GATA4: variants seen among roughly 807,000 people sequenced by gnomAD.
The protein encoded by GATA4 is GATA binding protein 4.
A neutral mutation model predicts 37.9 loss-of-function variants in GATA4; 7 were observed. That is an observed-to-expected ratio of 0.18 (90% confidence interval 0.11 to 0.35). The LOEUF is 0.35. GATA4 is among the 10% of genes least tolerant of loss of function. The pLI, the probability that GATA4 is intolerant of heterozygous loss-of-function variation, is 1.00. For missense variants in GATA4, 647 were observed against 653.0 expected, an observed-to-expected ratio of 0.99 and a Z score of 0.10; for synonymous variants, 372 against 292.6, an observed-to-expected ratio of 1.27 and a Z score of -2.77.
intron 2 of GATA4, among the ~76,000 whole-genome samples, chr8:11,723,144 T>C (rs1800752131): frequency 2.0e-5 from 3 of 152,038 alleles, no homozygotes; most frequent in Admixed American, 1.3e-4. Context: ...CCTAGGAGTT[T>C]GAAGCCAGCA....
Position 11,680,591 on chromosome 8 carries a change from C to A in GATA4, c.-274+3528C>A, listed in dbSNP as rs537132716. 21 of 985,360 alleles carry A rather than the reference C, an allele frequency of 2.1e-5. No homozygotes were observed. The African/African-American group carries it at 3.5e-4, about 16-fold the overall frequency. 61.0% of individuals were successfully genotyped at this position (985,360 alleles called of 1,614,324 possible). ...GCCAGGAAGCCCAGGCTATGCCCAG[C>A]CGGGTCCGAGCGGCGGTCGGTGGCG... On this transcript the variant is annotated intron_variant, in intron 1 of 6. Transcript: ENST00000528712.
In GATA4 at chr8:11,707,409, T is replaced by C. The variant is rs1799937705; in HGVS notation, c.-457-447T>C. On this transcript the variant is annotated intron_variant, in intron 1 of 6. Transcript: ENST00000532059. The surrounding 1 kb of genome is among the most constrained non-coding windows in gnomAD (Gnocchi z 4.7). ...TCCCCCCAAGGACAATCTAAAGTTCTTTCTAGGCCAGTCTCCCCATCTTTC... is the reference window on the plus strand; with the variant it reads ...TCCCCCCAAGGACAATCTAAAGTTCCTTCTAGGCCAGTCTCCCCATCTTTC... Among the ~76,000 whole-genome samples the C allele has an allele frequency of 6.6e-6, 1 of 152,048 alleles. No individual in the cohort carries two copies. Among genetic ancestry groups the C allele is most frequent in the Non-Finnish European group, 1.5e-5 (1 of 67,980 alleles).
chr8:11,727,743 C>A (rs13277376), intron 2 of GATA4, among the ~76,000 whole-genome samples: 12,949 of 151,548 alleles, frequency 0.085, 828 homozygotes, highest in Non-Finnish European at 0.13. Flanking sequence ...AGGGAGGCTG[C>A]GGTGGGACGA....
chr8:11,707,127 C>T lies in GATA4; in HGVS notation c.-457-729C>T, dbSNP rs1189336327. On this transcript the variant is annotated intron_variant, in intron 1 of 6. Transcript: ENST00000532059. The surrounding 1 kb of genome is among the most constrained non-coding windows in gnomAD (Gnocchi z 4.7). The stretch of plus-strand genomic sequence containing the variant: ...GGTTATTCTGTAGAGCGGCATTGTA[C>T]ATTCTTCTCACTTTTCTGGTTCTGA... Among the ~76,000 whole-genome samples the T allele has an allele frequency of 1.3e-5, 2 of 152,156 alleles. No homozygotes were observed. The highest frequency in any genetic ancestry group is 4.8e-5 in the African/African-American group (2 of 41,420).
At chr8:11,741,760 G>A (rs2132713) in intron 2 of GATA4, among the ~76,000 whole-genome samples, 17,203 of 152,194 alleles carry the variant, frequency 0.11, 2,830 homozygotes, top group African/African-American at 0.37. Context: ...GAAGCATTGA[G>A]ACAGAGATGT....
At chr8:11,702,296 A>C (rs534537919), upstream of GATA4, among the ~76,000 whole-genome samples, 1 of 151,976 alleles carries the variant, frequency 6.6e-6, no homozygotes, top group Admixed American at 6.5e-5. The surrounding 1 kb of genome is among the most constrained non-coding windows in gnomAD (Gnocchi z 4.4). Context: ...TCGCCCTTTA[A>C]GGGTCGCGCG....
chr8:11,682,029 T>C (rs1269492326), intron 1 of GATA4, among the ~76,000 whole-genome samples: 1 of 152,266 alleles, frequency 6.6e-6, no homozygotes, highest in Non-Finnish European at 1.5e-5. Flanking sequence ...AAAAGGCTTC[T>C]TGTCTGTGAA....
At chr8:11,688,900 G>C (rs1563187802), upstream of GATA4, among the ~76,000 whole-genome samples, 1 of 152,210 alleles carries the variant, frequency 6.6e-6, no homozygotes, top group Non-Finnish European at 1.5e-5. Flanking sequence ...TATTTGTAAT[G>C]TCTGCAGAAA....
chr8:11,739,103 C>T lies in GATA4; in HGVS notation c.617-9813C>T, dbSNP rs552351925. 1.8e-3 allele frequency among the ~76,000 whole-genome samples: 273 copies of T among 152,274 alleles called. 1 individual carries two copies. The highest frequency in any genetic ancestry group is 5.9e-3 in the African/African-American group (246 of 41,556). Reference sequence around the variant, plus strand: ...AAAAGTACTTTGTACTTTTTCTTTCCGGCCAGGAGGATCCCAGGAAATTGA... The same window carrying T: ...AAAAGTACTTTGTACTTTTTCTTTCTGGCCAGGAGGATCCCAGGAAATTGA... On this transcript the variant is annotated intron_variant, in intron 2 of 6. Coordinates refer to ENST00000532059, the MANE Select transcript of GATA4 (RefSeq NM_001308093.3).
chr8:11,693,558 C>CAGAG (rs1335915996), intron 1 of GATA4, among the ~76,000 whole-genome samples: 41 of 82,398 alleles, frequency 5.0e-4, no homozygotes, highest in African/African-American at 1.7e-3. Flanking sequence ...CACACACACA[C>CAGAG]ACACAGAGAG....
At chr8:11,747,449 G>C (rs1802089327) in intron 2 of GATA4, among the ~76,000 whole-genome samples, 1 of 152,184 alleles carries the variant, frequency 6.6e-6, no homozygotes, top group Admixed American at 6.5e-5. Context: ...GAGATGCTAC[G>C]CTTATGTGAG....
upstream of GATA4, among the ~76,000 whole-genome samples, chr8:11,702,713 C>G (rs538023264): frequency 6.6e-6 from 1 of 152,140 alleles, no homozygotes; most frequent in South Asian, 2.1e-4. This position sits in a 1 kb window ranked among gnomAD's most constrained non-coding sequence, Gnocchi z 4.4. Context: ...AAGTGTGTCG[C>G]CCCCAGCTTC....
At chr8:11,743,894 C>CT (rs1358329626) in intron 2 of GATA4, among the ~76,000 whole-genome samples, 1 of 152,136 alleles carries the variant, frequency 6.6e-6, no homozygotes, top group Non-Finnish European at 1.5e-5. Context: ...TTAAAAAAAA[C>CT]TTTTTTTAGC....
upstream of GATA4, among the ~76,000 whole-genome samples, chr8:11,690,586 G>A (rs191091196): frequency 5.3e-4 from 80 of 152,270 alleles, 1 homozygote; most frequent in East Asian, 0.015. Context: ...CTGGTGTGGT[G>A]GCTCTGGCTC....
rs1802733733 is a variant in GATA4, at chr8:11,758,697, C to T, written c.*222C>T. 1.7e-6 allele frequency: 1 copy of T among 596,062 alleles called. No individual in the cohort carries two copies. Among genetic ancestry groups the T allele is most frequent in the Admixed American group, 2.7e-5 (1 of 37,618 alleles). 36.9% of individuals were successfully genotyped at this position (596,062 alleles called of 1,614,324 possible). A position where few individuals can be genotyped will look rare whatever the true frequency, so the allele number is the denominator to read the frequency against. ...ATGGGACTGGAGGGAGCCCACCCTT[C>T]AGCACGAGCACACTGCATCTCTCCT... On this transcript the variant is annotated 3_prime_UTR_variant, in exon 7 of 7. Coordinates refer to ENST00000532059, the MANE Select transcript of GATA4 (RefSeq NM_001308093.3).
Position 11,709,049 on chromosome 8 carries a change from A to G in GATA4, c.616+121A>G. On this transcript the variant is annotated intron_variant, in intron 2 of 6. Coordinates refer to ENST00000532059, the MANE Select transcript of GATA4 (RefSeq NM_001308093.3). The surrounding 1 kb of genome is among the most constrained non-coding windows in gnomAD (Gnocchi z 4.3). ...GTTGGGCTGGGGATGGTGCTTCACT[A>G]CCTCGAGTTTCTAGGGAAGGCAGAA... 9.8e-7 allele frequency: 1 copy of G among 1,017,366 alleles called. No individual in the cohort carries two copies. Among genetic ancestry groups the G allele is most frequent in the Non-Finnish European group, 1.3e-6 (1 of 751,026 alleles). The allele number at this position is 1,017,366 out of a possible 1,614,324, so 63.0% of individuals were successfully genotyped here. A position where few individuals can be genotyped will look rare whatever the true frequency, so the allele number is the denominator to read the frequency against.
At chr8:11,729,969 A>G (rs1801125028) in intron 2 of GATA4, among the ~76,000 whole-genome samples, 1 of 152,186 alleles carries the variant, frequency 6.6e-6, no homozygotes, top group Admixed American at 6.5e-5. Flanking sequence ...TCCATTGCCC[A>G]GGCTGGAGTG....
chr8:11,750,215 C>T lies in GATA4; in HGVS notation c.891C>T (p.Gly297=). 1 of 1,613,384 alleles carries T rather than the reference C, an allele frequency of 6.2e-7. No individual in the cohort carries two copies. The highest frequency in any genetic ancestry group is 8.5e-7 in the Non-Finnish European group (1 of 1,180,048). The stretch of plus-strand genomic sequence containing the variant: ...GCGAGCCTGTGTGCAATGCCTGCGG[C>T]CTCTACATGAAGCTCCACGGGGTAC... The part of the protein sequence containing the change: ...AEGEPVCNAC[G]LYMKLHGVPR... Residue 297 remains glycine, a synonymous_variant, in exon 4 of 7, where the codon GGC becomes GGT. Coordinates refer to ENST00000532059, the MANE Select transcript of GATA4 (RefSeq NM_001308093.3).
intron 2 of GATA4, among the ~76,000 whole-genome samples, chr8:11,713,107 A>ATG (rs925810626): frequency 2.0e-5 from 3 of 152,020 alleles, no homozygotes; most frequent in African/African-American, 7.2e-5. Flanking sequence ...CATAGTTCTT[A>ATG]TGTTGGTTAT....
Sources: allele counts gnomAD v4.1 joint callset (sites outside exome capture counted in the v4.1 genomes callset), GRCh38; gene constraint gnomAD v4.1.1; non-coding constraint Gnocchi (gnomAD v3.1); transcripts MANE v1.5; gene names NCBI Gene and HGNC (gene_info 2026-07-23, HGNC 2026-07-21).